SMAD9: variants seen among roughly 807,000 people sequenced by gnomAD.
SMAD9 encodes MAD homolog 9.
In SMAD9, 36 loss-of-function variants were observed where a neutral mutation model predicts 46.1. The observed-to-expected ratio is 0.78, with a 90% CI of 0.60 to 1.03. The LOEUF is 1.03. Ranked by LOEUF, SMAD9 falls within the 50% of genes least tolerant of loss-of-function variation. The pLI, the probability that SMAD9 is intolerant of heterozygous loss-of-function variation, is 0.00. For missense variants in SMAD9, 572 were observed against 599.8 expected (o/e 0.95, Z 0.48); for synonymous variants, 245 against 237.1 (o/e 1.03, Z -0.31).
chr13:36,853,434 C>T lies in SMAD9; in HGVS notation c.1245G>A (p.Arg415=). 1 of 1,614,052 alleles carries T rather than the reference C, an allele frequency of 6.2e-7. No homozygotes were observed. The highest frequency in any genetic ancestry group is 1.1e-5 in the South Asian group (1 of 91,082). Residue 415 remains arginine, a synonymous_variant, in exon 6 of 7, where the codon CGG becomes CGA. Coordinates refer to ENST00000379826, the MANE Select transcript of SMAD9 (RefSeq NM_001127217.3). ...CACTCCTTACCTTAACAAAACTCAT[C>T]CGGATAGTACACATCTTGGTCAGTT... ...VYELTKMCTI[R]MSFVKGWGAE... is the part of the protein sequence containing the mutation.
At chr13:36,871,556 T>C (rs2138427988) in intron 3 of SMAD9, among the ~76,000 whole-genome samples, 1 of 152,240 alleles carries the variant, frequency 6.6e-6, no homozygotes, top group African/African-American at 2.4e-5. Context: ...TAAACGCCTG[T>C]GTAGTAATTT....
chr13:36,856,369 G>T lies in SMAD9; in HGVS notation c.1004-2694C>A, dbSNP rs61331088. 4.4e-3 allele frequency among the ~76,000 whole-genome samples: 669 copies of T among 152,276 alleles called. 6 individuals carry two copies. The highest frequency in any genetic ancestry group is 0.015 in the African/African-American group (632 of 41,552). Reference sequence around the variant, plus strand: ...TCTGAGTCTGTTATCTATCTTCAGGGGTTGGTTTTCAATCCTGTTCAGGTC... The same window carrying T: ...TCTGAGTCTGTTATCTATCTTCAGGTGTTGGTTTTCAATCCTGTTCAGGTC... On this transcript the variant is annotated intron_variant, in intron 5 of 6. Transcript: ENST00000379826.
intron 1 of SMAD9, among the ~76,000 whole-genome samples, chr13:36,916,557 G>GA (rs11393951): frequency 0.32 from 48,850 of 151,854 alleles, 9,358 homozygotes; most frequent in Non-Finnish European, 0.42. Flanking sequence ...TGGGTTCAGT[G>GA]AAAAAATGTG....
rs536610243 is a variant in SMAD9, at chr13:36,904,216, T to C, written c.-187+15900A>G. Among the ~76,000 whole-genome samples the C allele has an allele frequency of 7.2e-5, 11 of 152,334 alleles. No individual in the cohort carries two copies. The South Asian group carries it at 2.1e-3, about 29-fold the overall frequency. On this transcript the variant is annotated intron_variant, in intron 1 of 6. Transcript: ENST00000379826. ...GCAGAGGATGCAAGTGTACCTCTTA[T>C]TTGATTTTTTCAAAATCAACAATGT... is the stretch of plus-strand genomic sequence containing the variant.
intron 1 of SMAD9, among the ~76,000 whole-genome samples, chr13:36,914,993 T>A (rs567295860): frequency 1.3e-5 from 2 of 152,252 alleles, no homozygotes; most frequent in Admixed American, 6.5e-5. Flanking sequence ...CTGTATTTGA[T>A]AGGCTTCTAA....
chr13:36,845,100 A>G lies in SMAD9; in HGVS notation c.*3576T>C, dbSNP rs1448007459. 2.7e-5 allele frequency: 4 copies of G among 145,894 alleles called. No homozygotes were observed. In the East Asian group the frequency reaches 5.9e-4, roughly 22 times the overall value. 9.0% of individuals were successfully genotyped at this position (145,894 alleles called of 1,614,324 possible). A position where few individuals can be genotyped will look rare whatever the true frequency, so the allele number is the denominator to read the frequency against. On this transcript the variant is annotated 3_prime_UTR_variant, in exon 7 of 7. Transcript: ENST00000379826. ...ATTTTGCTTTATTTGTTGAATATAT[A>G]TGTGTGTGTGTGTGTATATATATAT...
At chr13:36,912,824 T>C (rs2058671651) in intron 1 of SMAD9, among the ~76,000 whole-genome samples, 1 of 152,184 alleles carries the variant, frequency 6.6e-6, no homozygotes, top group Admixed American at 6.5e-5. Flanking sequence ...CTCATTATCC[T>C]TGACAAGACT....
At chr13:36,890,410 T>C (rs958047787) in intron 1 of SMAD9, among the ~76,000 whole-genome samples, 2 of 152,182 alleles carry the variant, frequency 1.3e-5, no homozygotes, top group Non-Finnish European at 2.9e-5. Context: ...CCTTAAAACT[T>C]TAAGAATTAT....
chr13:36,879,224 G>C, intron 2 of SMAD9, 54 bp downstream of exon 2: 1 of 1,473,498 alleles, frequency 6.8e-7, no homozygotes, highest in Non-Finnish European at 9.5e-7. Context: ...TCCATCAATG[G>C]GGCACACGAC....
At chr13:36,866,180 GGC>G (rs1342808559) in intron 4 of SMAD9, among the ~76,000 whole-genome samples, 1 of 151,830 alleles carries the variant, frequency 6.6e-6, no homozygotes, top group Admixed American at 6.6e-5. Context: ...GAATCCTTGT[GGC>G]AAAAAGTATC....
At chr13:36,890,317 A>G (rs1399894340) in intron 1 of SMAD9, among the ~76,000 whole-genome samples, 6 of 152,230 alleles carry the variant, frequency 3.9e-5, no homozygotes, top group Non-Finnish European at 7.3e-5. Flanking sequence ...ACTGAAGAAT[A>G]TCACTGTTAA....
At chr13:36,854,166 T>A (rs551872313) in intron 5 of SMAD9, among the ~76,000 whole-genome samples, 171 of 151,380 alleles carry the variant, frequency 1.1e-3, no homozygotes, top group Non-Finnish European at 2.0e-3. Flanking sequence ...CTCAAAAAAA[T>A]AAATAAATAA....
rs565407365 is a variant in SMAD9 at position 36,865,665 on chromosome 13, G to C, written c.875C>G (p.Ser292Cys). The C allele has an allele frequency of 6.2e-7, 1 of 1,614,106 alleles. No homozygotes were observed. The highest frequency in any genetic ancestry group is 1.1e-5 in the South Asian group (1 of 91,084). ...CCCATCTATGAGCACACTTCGGGAG[G>C]AAGCCTGGAATGTCTCCCCAACTCG... ...NNRVGETFQA[S>C]SRSVLIDGFT... The change falls in exon 5 of 7, where the codon TCC (serine) becomes TGC (cysteine). Residue 292 changes from serine (S) to cysteine (C), a missense_variant. Physicochemically the swap from Ser to Cys is moderately radical, Grantham distance 112 (BLOSUM62 -1). Coordinates refer to ENST00000379826, the MANE Select transcript of SMAD9 (RefSeq NM_001127217.3).
chr13:36,911,374 T>C (rs1341035622), intron 1 of SMAD9, among the ~76,000 whole-genome samples: 5 of 152,164 alleles, frequency 3.3e-5, no homozygotes, highest in African/African-American at 9.7e-5. Flanking sequence ...ATTGCTTTAC[T>C]AACGCAATAC....
At chr13:36,911,882 A>G (rs1370879175) in intron 1 of SMAD9, among the ~76,000 whole-genome samples, 2 of 151,956 alleles carry the variant, frequency 1.3e-5, no homozygotes, top group Non-Finnish European at 2.9e-5. Flanking sequence ...CTAATTTTGT[A>G]TTTTTAGTAG....
chr13:36,865,410 T>G, intron 5 of SMAD9, 127 bp downstream of exon 5: 4 of 750,352 alleles, frequency 5.3e-6, no homozygotes, highest in Non-Finnish European at 7.2e-6. Context: ...ATCTCAGAGC[T>G]CACCAGCCCT....
intron 4 of SMAD9, among the ~76,000 whole-genome samples, chr13:36,866,689 T>C (rs2058237934): frequency 6.6e-6 from 1 of 152,220 alleles, no homozygotes; most frequent in South Asian, 2.1e-4. Flanking sequence ...TTAGAACCTC[T>C]CTACTCAAGA....
intron 6 of SMAD9, chr13:36,852,256 G>A (rs1471815593): frequency 1.1e-6 from 1 of 937,228 alleles, no homozygotes; most frequent in Non-Finnish European, 1.3e-6. Context: ...ATTTTAAAGT[G>A]CTAATAAAAT....
chr13:36,912,861 C>T (rs554267004), intron 1 of SMAD9, among the ~76,000 whole-genome samples: 1 of 152,190 alleles, frequency 6.6e-6, no homozygotes, highest in African/African-American at 2.4e-5. Flanking sequence ...ACAGAAAATA[C>T]GGAAGTCTAA....
Sources: gnomAD v4.1 joint callset for allele counts (sites outside exome capture counted in the v4.1 genomes callset) on GRCh38, gnomAD v4.1.1 for gene constraint, MANE v1.5 for transcripts, NCBI Gene and HGNC (gene_info 2026-07-23, HGNC 2026-07-21) for gene names.